Variants in DIAPH2 observed in about 807,000 individuals in gnomAD.
DIAPH2 encodes the protein diaphanous related formin 2, also known as protein diaphanous homolog 2.
Under a neutral mutation model 92.7 loss-of-function variants are expected in DIAPH2, and 35 were observed. The observed-to-expected ratio is 0.38, with a 90% CI of 0.29 to 0.50. DIAPH2 has a LOEUF of 0.50. DIAPH2 is among the 20% of genes least tolerant of loss of function. The pLI, the probability that DIAPH2 is intolerant of heterozygous loss-of-function variation, is 0.94. For synonymous variants in DIAPH2, 301 were observed against 280.4 expected (o/e 1.07, Z -0.73); for missense variants, 701 against 819.5 (o/e 0.86, Z 1.77).
At chrX:97,019,961 A>T (rs1474012925) in intron 17 of DIAPH2, among the ~76,000 whole-genome samples, 2 of 112,054 alleles carry the variant, frequency 1.8e-5, no homozygotes, top group African/African-American at 6.5e-5. Flanking sequence ...TAATGCCACG[A>T]CTCCTGTATT....
chrX:96,973,858 A>G (rs1030849245), intron 17 of DIAPH2, among the ~76,000 whole-genome samples: 6 of 109,352 alleles, frequency 5.5e-5, no homozygotes, highest in Non-Finnish European at 7.6e-5. Context: ...ATCACGCCCG[A>G]CTAATTTTGT....
intron 23 of DIAPH2, among the ~76,000 whole-genome samples, chrX:97,307,921 A>G (rs1384939014): frequency 9.2e-5 from 10 of 109,087 alleles, no homozygotes; most frequent in South Asian, 7.9e-4. Flanking sequence ...AAAAAAAAAA[A>G]AAAAAGAAAA....
At chrX:97,161,521 C>T (rs1389821939) in intron 22 of DIAPH2, among the ~76,000 whole-genome samples, 1 of 110,753 alleles carries the variant, frequency 9.0e-6, no homozygotes, top group Non-Finnish European at 1.9e-5. Flanking sequence ...CTACCTCACC[C>T]TCCCAAGTAG....
At chrX:96,742,593 CTCACAGCT>C (rs2064126336) in intron 3 of DIAPH2, among the ~76,000 whole-genome samples, 1 of 111,350 alleles carries the variant, frequency 9.0e-6, no homozygotes, top group Non-Finnish European at 1.9e-5. Context: ...TTTCCGCTAG[CTCACAGCT>C]TCAGTTGCAC....
intron 4 of DIAPH2, among the ~76,000 whole-genome samples, chrX:96,867,925 T>TC (rs1416004094): frequency 2.7e-5 from 3 of 111,930 alleles, no homozygotes; most frequent in Non-Finnish European, 3.8e-5. Flanking sequence ...TATAGCAGCA[T>TC]CTCTTATACA....
chrX:97,192,957 A>G (rs2067666975), intron 22 of DIAPH2, among the ~76,000 whole-genome samples: 1 of 105,968 alleles, frequency 9.4e-6, no homozygotes, highest in Admixed American at 1.0e-4. Flanking sequence ...AAAGCAACAA[A>G]TTCCCTCTCT....
At chrX:96,699,770 G>A (rs1037350000) in intron 1 of DIAPH2, among the ~76,000 whole-genome samples, 2 of 111,199 alleles carry the variant, frequency 1.8e-5, no homozygotes, top group African/African-American at 3.3e-5. Context: ...ATTGATTCCC[G>A]CCAATTTTAT....
At chrX:97,168,681 C>G (rs1401380389) in intron 22 of DIAPH2, among the ~76,000 whole-genome samples, 1 of 111,626 alleles carries the variant, frequency 9.0e-6, no homozygotes, top group Non-Finnish European at 1.9e-5. Context: ...ACTACTGTTA[C>G]AGAATACTAT....
intron 23 of DIAPH2, among the ~76,000 whole-genome samples, chrX:97,334,686 A>C (rs1192571344): frequency 4.9e-5 from 5 of 102,802 alleles, no homozygotes; most frequent in African/African-American, 1.4e-4. Flanking sequence ...ACAAAACAAA[A>C]CAAAAAAAAA....
intron 26 of DIAPH2, among the ~76,000 whole-genome samples, chrX:97,485,585 ATTG>A (rs1265437579): frequency 6.2e-5 from 7 of 112,947 alleles, no homozygotes; most frequent in Non-Finnish European, 1.3e-4. Flanking sequence ...TGAATTCTTC[ATTG>A]TTGTGCCTTG....
intron 23 of DIAPH2, among the ~76,000 whole-genome samples, chrX:97,278,174 A>G (rs943291181): frequency 8.9e-6 from 1 of 112,290 alleles, no homozygotes; most frequent in African/African-American, 3.2e-5. Flanking sequence ...AGATTTTAAA[A>G]CAAATAGACT....
intron 26 of DIAPH2, among the ~76,000 whole-genome samples, chrX:97,509,574 T>C (rs1291643140): frequency 9.8e-6 from 1 of 101,852 alleles, no homozygotes; most frequent in African/African-American, 3.6e-5. Flanking sequence ...TAGTTACATA[T>C]GTATACATGT....
intron 22 of DIAPH2, among the ~76,000 whole-genome samples, chrX:97,150,733 G>T (rs1490132184): frequency 9.0e-6 from 1 of 111,665 alleles, no homozygotes; most frequent in Non-Finnish European, 1.9e-5. Context: ...CAGTGTAAAG[G>T]TTTCTGTATT....
intron 25 of DIAPH2, among the ~76,000 whole-genome samples, chrX:97,407,221 A>G (rs1400017914): frequency 8.9e-6 from 1 of 111,909 alleles, no homozygotes; most frequent in Non-Finnish European, 1.9e-5. Flanking sequence ...TCTATTAACT[A>G]TTGTTTGAAG....
chrX:97,010,341 T>A (rs28473513), intron 17 of DIAPH2, among the ~76,000 whole-genome samples: 1 of 102,910 alleles, frequency 9.7e-6, no homozygotes, highest in African/African-American at 3.5e-5. Context: ...TGGGGAGTGG[T>A]GGGATAGGGA....
intron 23 of DIAPH2, among the ~76,000 whole-genome samples, chrX:97,282,866 A>C (rs2068510335): frequency 8.9e-6 from 1 of 111,849 alleles, no homozygotes; most frequent in Non-Finnish European, 1.9e-5. Flanking sequence ...TTACACAAGA[A>C]AAAGATCATG....
At chrX:97,293,338 C>T (rs895846470) in intron 23 of DIAPH2, among the ~76,000 whole-genome samples, 3 of 105,339 alleles carry the variant, frequency 2.8e-5, no homozygotes, top group South Asian at 4.4e-4. Flanking sequence ...CTGCAACCTC[C>T]GCCTCCCAGG....
Position 97,185,470 on chromosome X carries a change from T to TAC in DIAPH2, c.2719+43680_2719+43681dup, listed in dbSNP as rs1306847022. Among the ~76,000 whole-genome samples, 20 of 24,738 alleles carry TAC rather than the reference T, an allele frequency of 8.1e-4. 1 individual carries two copies. The highest frequency in any genetic ancestry group is 4.1e-3 in the African/African-American group (18 of 4,369). 21.5% of individuals were successfully genotyped at this position (24,738 alleles called of 115,157 possible). ...ATATGTGTGTGTATATATATATATA[T>TAC]ACACATATATATATATATATATATA... On this transcript the variant is annotated intron_variant, in intron 22 of 26. Transcript: ENST00000324765.
At position 96,949,854 on chromosome X, in the gene DIAPH2, C is replaced by A. The variant is rs747181048; in HGVS notation, c.1614+815C>A. On this transcript the variant is annotated intron_variant, in intron 15 of 26. Coordinates refer to ENST00000324765, the MANE Select transcript of DIAPH2 (RefSeq NM_006729.5). ...CAGCCTGGGTGACAGAGCGAGACTC[C>A]GTCTGAAAAAAAGAAAAAAAAAAAA... Among the ~76,000 whole-genome samples, 428 of 97,255 alleles carry A rather than the reference C, an allele frequency of 4.4e-3. 2 individuals carry two copies. Among genetic ancestry groups the A allele is most frequent in the Non-Finnish European group, 7.5e-3 (372 of 49,470 alleles). The allele number at this position is 97,255 out of a possible 115,157, so 84.5% of individuals were successfully genotyped here.
Sources: allele counts gnomAD v4.1 joint callset (sites outside exome capture counted in the v4.1 genomes callset), GRCh38; gene constraint gnomAD v4.1.1; transcripts MANE v1.5; gene names NCBI Gene and HGNC (gene_info 2026-07-23, HGNC 2026-07-21).